Variants in INPP1 observed in about 807,000 individuals in gnomAD.
INPP1 encodes inositol polyphosphate 1-phosphatase.
In INPP1, 18 loss-of-function variants were observed where a neutral mutation model predicts 23.0. The ratio of observed to expected loss-of-function variants is 0.78; its 90% CI spans 0.54 to 1.16. INPP1 has a LOEUF of 1.16. Among genes scored for constraint, INPP1 ranks in the 50% most tolerant of loss-of-function variants. The probability of loss-of-function intolerance (pLI) is 0.00; values close to 1 mark genes in which losing one functional copy is unlikely to be tolerated. For synonymous variants in INPP1, 164 were observed against 176.3 expected (o/e 0.93, Z 0.55); for missense variants, 448 against 482.1 (o/e 0.93, Z 0.66).
chr2:190,370,754 G>T, intron 6 of INPP1, 90 bp from the exon 7 acceptor site: 1 of 847,460 alleles, frequency 1.2e-6, no homozygotes, highest in Non-Finnish European at 1.9e-6. Context: ...GATGAATTGT[G>T]TATTTCTTCG....
chr2:190,352,574 G>GC lies in INPP1; in HGVS notation c.-65+3550dup, dbSNP rs1055588741. On this transcript the variant is annotated intron_variant, in intron 2 of 6. Transcript: ENST00000392329. The surrounding 1 kb of genome is among the most constrained non-coding windows in gnomAD (Gnocchi z 4.7). Reference sequence around the variant, plus strand: ...ATTAGCAAGTGACACAACACAGCGAGCCCCCCCTCCATATTTAGTGTGGGC... The same window carrying GC: ...ATTAGCAAGTGACACAACACAGCGAGCCCCCCCCTCCATATTTAGTGTGGGC... Among the ~76,000 whole-genome samples, 123 of 152,234 alleles carry GC rather than the reference G, an allele frequency of 8.1e-4. No individual in the cohort carries two copies. Among genetic ancestry groups the GC allele is most frequent in the Non-Finnish European group, 2.5e-4 (17 of 68,008 alleles).
At chr2:190,358,691 T>A (rs1274685765) in intron 2 of INPP1, among the ~76,000 whole-genome samples, 1 of 152,196 alleles carries the variant, frequency 6.6e-6, no homozygotes, top group Non-Finnish European at 1.5e-5. Context: ...ATACAATAAT[T>A]CTCATGAGAT....
intron 2 of INPP1, among the ~76,000 whole-genome samples, chr2:190,350,663 G>A (rs2124917210): frequency 6.6e-6 from 1 of 152,294 alleles, no homozygotes; most frequent in South Asian, 2.1e-4. Context: ...GACCAGCTTA[G>A]AGTAATGTGT....
At chr2:190,366,615 C>A (rs896808841) in intron 4 of INPP1, 80 bp from the exon 5 acceptor site, 2 of 1,001,266 alleles carry the variant, frequency 2.0e-6, no homozygotes, top group Non-Finnish European at 3.1e-6. Context: ...CTGTCTCTCT[C>A]ACTCTTTAGC....
At chr2:190,360,600 C>T (rs968409349) in intron 3 of INPP1, among the ~76,000 whole-genome samples, 1 of 152,160 alleles carries the variant, frequency 6.6e-6, no homozygotes, top group Non-Finnish European at 1.5e-5. Context: ...TGAATTTCTT[C>T]TTAATAAATA....
rs772047092 is a variant in INPP1 at position 190,360,133 on chromosome 2, G to A, written c.31G>A (p.Val11Ile). The change falls in exon 3 of 7, where the codon GTC becomes ATC. Residue 11 changes from valine (V) to isoleucine (I), a missense_variant. Transcript: ENST00000392329. ...AGATATCCTCCGGGAGCTGCTCTGT[G>A]TCTCTGAGAAGGCTGCTAACATTGC... is the stretch of plus-strand genomic sequence containing the variant. MSDILRELLCVSEKAANIARA... is the reference protein window; with the variant it reads MSDILRELLCISEKAANIARA... The A allele has an allele frequency of 3.1e-6, 5 of 1,613,660 alleles. No individual in the cohort carries two copies. In the Admixed American group the frequency reaches 8.3e-5, roughly 27 times the overall value.
At chr2:190,362,246 C>T (rs1689549382) in intron 3 of INPP1, among the ~76,000 whole-genome samples, 1 of 152,150 alleles carries the variant, frequency 6.6e-6, no homozygotes, top group Non-Finnish European at 1.5e-5. Flanking sequence ...ACGAAATTGC[C>T]TTGTATAAGC....
At position 190,352,280 on chromosome 2, in the gene INPP1, T is replaced by A. The variant is rs1689338825; in HGVS notation, c.-65+3249T>A. ...AGTGCAAAATCAGCTACTAAAAGGCTAAACTTAATCAGAGCCCATGAGGTA... is the reference window on the plus strand; with the variant it reads ...AGTGCAAAATCAGCTACTAAAAGGCAAAACTTAATCAGAGCCCATGAGGTA... On this transcript the variant is annotated intron_variant, in intron 2 of 6. Coordinates refer to ENST00000392329, the MANE Select transcript of INPP1 (RefSeq NM_001128928.2). This position sits in a 1 kb window ranked among gnomAD's most constrained non-coding sequence, Gnocchi z 4.7. 6.6e-6 allele frequency among the ~76,000 whole-genome samples: 1 copy of A among 152,168 alleles called. No individual in the cohort carries two copies.
Position 190,360,053 on chromosome 2 carries a change from G to T in INPP1, c.-50G>T, listed in dbSNP as rs375824852. On this transcript the variant is annotated 5_prime_UTR_variant, in exon 3 of 7. Transcript: ENST00000392329. ...TATTTTTCCAGCTGACGGCCCAGAG[G>T]GTGGGTGCCAATTCCACCAGCAGCT... is the stretch of plus-strand genomic sequence containing the variant. 175 of 1,575,752 alleles carry T rather than the reference G, an allele frequency of 1.1e-4. No homozygotes were observed. The highest frequency in any genetic ancestry group is 9.5e-5 in the Non-Finnish European group (109 of 1,147,816).
chr2:190,355,239 A>G lies in INPP1; in HGVS notation c.-64-4800A>G, dbSNP rs1466913347. ...CTTCCTAAGGTTATATAAGAATTAA[A>G]TGAGTTAATACATGTAAGGTGCCTA... On this transcript the variant is annotated intron_variant, in intron 2 of 6. Transcript: ENST00000392329. This position sits in a 1 kb window ranked among gnomAD's most constrained non-coding sequence, Gnocchi z 5.1. Among the ~76,000 whole-genome samples, 1 of 152,194 alleles carries G rather than the reference A, an allele frequency of 6.6e-6. No individual in the cohort carries two copies. The highest frequency in any genetic ancestry group is 1.9e-4 in the East Asian group (1 of 5,200).
At chr2:190,357,529 C>T (rs942748135) in intron 2 of INPP1, among the ~76,000 whole-genome samples, 4 of 152,184 alleles carry the variant, frequency 2.6e-5, no homozygotes, top group Non-Finnish European at 4.4e-5. Flanking sequence ...AGTGCATTGA[C>T]ATATTTCCAT....
chr2:190,362,849 C>A, intron 4 of INPP1, 162 bp downstream of exon 4: 1 of 445,792 alleles, frequency 2.2e-6, no homozygotes, highest in South Asian at 6.2e-5. Context: ...GAATATCATG[C>A]CATTTAACTT....
At chr2:190,362,528 T>C in intron 3 of INPP1, 99 bp from the exon 4 acceptor site, 5 of 626,418 alleles carry the variant, frequency 8.0e-6, no homozygotes, top group Non-Finnish European at 1.3e-5. Flanking sequence ...TCAGTTCTGA[T>C]TGTGCTATTT....
Position 190,363,509 on chromosome 2 carries a change from G to A in INPP1, c.265+822G>A, listed in dbSNP as rs781124617. Reference sequence around the variant, plus strand: ...TTCAGAGAAACAATTTTTTTTTTTAGTTTGTTTGGATTTAATAGTAGAAGA... The same window carrying A: ...TTCAGAGAAACAATTTTTTTTTTTAATTTGTTTGGATTTAATAGTAGAAGA... On this transcript the variant is annotated intron_variant, in intron 4 of 6. Coordinates refer to ENST00000392329, the MANE Select transcript of INPP1 (RefSeq NM_001128928.2). The surrounding 1 kb of genome is among the most constrained non-coding windows in gnomAD (Gnocchi z 4.4). Among the ~76,000 whole-genome samples, 13 of 151,374 alleles carry A rather than the reference G, an allele frequency of 8.6e-5. No individual in the cohort carries two copies. The highest frequency in any genetic ancestry group is 1.8e-4 in the Non-Finnish European group (12 of 67,858).
intron 4 of INPP1, among the ~76,000 whole-genome samples, chr2:190,366,212 G>A (rs927825442): frequency 1.9e-5 from 2 of 107,722 alleles, no homozygotes; most frequent in Non-Finnish European, 3.8e-5. Context: ...TCGCTCTCTC[G>A]CTCTGTCTCT....
intron 2 of INPP1, among the ~76,000 whole-genome samples, chr2:190,358,907 G>A (rs1358027686): frequency 6.6e-5 from 10 of 152,184 alleles, no homozygotes; most frequent in Admixed American, 5.9e-4. Flanking sequence ...AGCATAGATA[G>A]TGGGACTTTT....
Position 190,369,216 on chromosome 2 carries a change from G to C in INPP1, c.580G>C (p.Gly194Arg). The change falls in exon 6 of 7, where the codon GGG becomes CGG. Residue 194 changes from glycine (G) to arginine (R), a missense_variant. Coordinates refer to ENST00000392329, the MANE Select transcript of INPP1 (RefSeq NM_001128928.2). ...ILIGVYDIQT[G>R]VPLMGVINQP... ...AATTGGTGTCTATGACATACAGACA[G>C]GGGTTCCCCTGATGGGAGTCATCAA... The C allele has an allele frequency of 6.2e-7, 1 of 1,606,460 alleles. No individual in the cohort carries two copies. The highest frequency in any genetic ancestry group is 8.5e-7 in the Non-Finnish European group (1 of 1,173,938).
Position 190,355,929 on chromosome 2 carries a change from GA to G in INPP1, c.-64-4104del, listed in dbSNP as rs1488220236. ...TAACCCTGAACTTAGAATAAAAGTT[GA>G]AAAAATAAATAAATTAATTAAAAAA... On this transcript the variant is annotated intron_variant, in intron 2 of 6. Transcript: ENST00000392329. The surrounding 1 kb of genome is among the most constrained non-coding windows in gnomAD (Gnocchi z 5.1). 1.3e-5 allele frequency among the ~76,000 whole-genome samples: 2 copies of G among 151,828 alleles called. No individual in the cohort carries two copies. The highest frequency in any genetic ancestry group is 2.9e-5 in the Non-Finnish European group (2 of 67,982).
rs1429658666 is a variant in INPP1 at position 190,350,668 on chromosome 2, A to G, written c.-65+1637A>G. Reference sequence around the variant, plus strand: ...AGTGTAGACTGACCAGCTTAGAGTAATGTGTATGTCATCATCATTTGAGAT... The same window carrying G: ...AGTGTAGACTGACCAGCTTAGAGTAGTGTGTATGTCATCATCATTTGAGAT... On this transcript the variant is annotated intron_variant, in intron 2 of 6. Coordinates refer to ENST00000392329, the MANE Select transcript of INPP1 (RefSeq NM_001128928.2). 2.0e-5 allele frequency among the ~76,000 whole-genome samples: 3 copies of G among 152,304 alleles called. No individual in the cohort carries two copies. In the East Asian group the frequency reaches 5.8e-4, roughly 29 times the overall value.
Sources: gnomAD v4.1 joint callset for allele counts (sites outside exome capture counted in the v4.1 genomes callset) on GRCh38, gnomAD v4.1.1 for gene constraint, Gnocchi (gnomAD v3.1) non-coding constraint, MANE v1.5 for transcripts, NCBI Gene and HGNC (gene_info 2026-07-23, HGNC 2026-07-21) for gene names.